PLCD1: variants seen among roughly 807,000 people sequenced by gnomAD.
The protein encoded by PLCD1 is 1-phosphatidylinositol 4,5-bisphosphate phosphodiesterase delta-1.
In PLCD1, 71 loss-of-function variants were observed where a neutral mutation model predicts 87.4. The ratio of observed to expected loss-of-function variants is 0.81; its 90% CI spans 0.67 to 0.99. PLCD1 has a LOEUF of 0.99. Ranked by LOEUF, PLCD1 falls within the 50% of genes least tolerant of loss-of-function variation. PLCD1 has a pLI of 0.00. For synonymous variants in PLCD1, 348 were observed against 399.2 expected (o/e 0.87, Z 1.53); for missense variants, 867 against 1,001.5 (o/e 0.87, Z 1.81).
At chr3:38,015,197 C>T (rs957934577) in intron 3 of PLCD1, among the ~76,000 whole-genome samples, 3 of 152,192 alleles carry the variant, frequency 2.0e-5, no homozygotes, top group African/African-American at 7.2e-5. Flanking sequence ...TCTAAATGTC[C>T]ATCATCTGGT....
chr3:38,011,761 C>T, intron 3 of PLCD1, 88 bp from the exon 4 acceptor site: 1 of 1,309,818 alleles, frequency 7.6e-7, no homozygotes, highest in Non-Finnish European at 1.1e-6. Flanking sequence ...CTGAAGCCAC[C>T]TATAGCCACA....
chr3:38,009,245 G>C, intron 10 of PLCD1, 27 bp downstream of exon 10: 1 of 1,613,964 alleles, frequency 6.2e-7, no homozygotes, highest in Non-Finnish European at 8.5e-7. Context: ...TAACAGAGCA[G>C]GGGAGTGGTG....
At chr3:38,011,748 C>T in intron 3 of PLCD1, 75 bp from the exon 4 acceptor site, 8 of 1,451,642 alleles carry the variant, frequency 5.5e-6, no homozygotes, top group African/African-American at 1.4e-5. Context: ...TGGATGGCTC[C>T]AGCTGAAGCC....
intron 1 of PLCD1, among the ~76,000 whole-genome samples, chr3:38,020,591 C>A (rs1288673106): frequency 6.6e-6 from 1 of 152,172 alleles, no homozygotes; most frequent in Non-Finnish European, 1.5e-5. Flanking sequence ...GACACCTGCC[C>A]ACCCAAGACC....
In PLCD1 at chr3:38,010,119, G is replaced by A. The variant is rs1349394772; in HGVS notation, c.1137+12C>T. 14 of 1,614,132 alleles carry A rather than the reference G, an allele frequency of 8.7e-6. No individual in the cohort carries two copies. The highest frequency in any genetic ancestry group is 1.0e-5 in the Non-Finnish European group (12 of 1,180,046). On this transcript the variant is annotated intron_variant, in intron 7 of 14. Transcript: ENST00000334661. ...TAGCATCCCACTCCTCACCTGCCAG[G>A]GGCACTCCCACCTTGAAGGCATAGT...
At position 38,018,279 on chromosome 3, in the gene PLCD1, G is replaced by A. The variant is rs932680288; in HGVS notation, c.200-1560C>T. On this transcript the variant is annotated intron_variant, in intron 2 of 14. Coordinates refer to ENST00000334661, the MANE Select transcript of PLCD1 (RefSeq NM_006225.4). The surrounding 1 kb of genome is among the most constrained non-coding windows in gnomAD (Gnocchi z 5.7). ...GCAGCCAACAAAGCAGGCTCAGCAC[G>A]AGACCCGTCTCAGGCGTCTGACCAG... Among the ~76,000 whole-genome samples, 1 of 152,120 alleles carries A rather than the reference G, an allele frequency of 6.6e-6. No individual in the cohort carries two copies. The highest frequency in any genetic ancestry group is 1.5e-5 in the Non-Finnish European group (1 of 68,018).
At chr3:38,021,999 A>G (rs983231867) in intron 1 of PLCD1, among the ~76,000 whole-genome samples, 23 of 152,132 alleles carry the variant, frequency 1.5e-4, no homozygotes, top group African/African-American at 5.3e-4. Context: ...CCTGCTTCCA[A>G]TCAGGATAGA....
chr3:38,020,863 G>T (rs139081219), intron 1 of PLCD1, among the ~76,000 whole-genome samples: 1 of 152,132 alleles, frequency 6.6e-6, no homozygotes. Context: ...GCCAAACAAC[G>T]TCCCAACTCC....
chr3:38,022,261 T>G (rs1321849325), intron 1 of PLCD1, among the ~76,000 whole-genome samples: 1 of 152,224 alleles, frequency 6.6e-6, no homozygotes, highest in African/African-American at 2.4e-5. Context: ...AGAAGGGGGC[T>G]CTGATAGAAT....
rs112172914 is a variant in PLCD1 at position 38,020,285 on chromosome 3, G to A, written c.102C>T (p.Ser34=). 1.5e-4 allele frequency: 250 copies of A among 1,613,996 alleles called. No individual in the cohort carries two copies. The African/African-American group carries it at 2.8e-3, about 18-fold the overall frequency. Residue 34 remains serine (S), a synonymous_variant, in exon 2 of 15, where the codon AGC becomes AGT. Coordinates refer to ENST00000334661, the MANE Select transcript of PLCD1 (RefSeq NM_006225.4). ...TGTAGAAGCGCTCTCTCCTCCATGA[G>A]CTGGACTTCACCTTCAGGAGCTGGC... is the stretch of plus-strand genomic sequence containing the variant. ...KGSQLLKVKS[S]SWRRERFYKL...
In PLCD1 at chr3:38,025,637, C is replaced by T. The variant is rs1185179860; in HGVS notation, c.34+3869G>A. On this transcript the variant is annotated intron_variant, in intron 1 of 14. Coordinates refer to ENST00000334661, the MANE Select transcript of PLCD1 (RefSeq NM_006225.4). This position sits in a 1 kb window ranked among gnomAD's most constrained non-coding sequence, Gnocchi z 4.0. The stretch of plus-strand genomic sequence containing the variant: ...AAAAAATTCTGATCTTAAAATAAGC[C>T]CATTAACCCAGGGTGGCTTTCATAA... 1.3e-5 allele frequency among the ~76,000 whole-genome samples: 2 copies of T among 152,172 alleles called. No individual in the cohort carries two copies. Among genetic ancestry groups the T allele is most frequent in the Non-Finnish European group, 2.9e-5 (2 of 68,032 alleles).
chr3:38,008,980 G>C, intron 11 of PLCD1, 62 bp downstream of exon 11: 1 of 1,376,514 alleles, frequency 7.3e-7, no homozygotes, highest in Non-Finnish European at 1.0e-6. Flanking sequence ...CGAGGCTCCA[G>C]GCCCCCGGCC....
intron 1 of PLCD1, 136 bp downstream of exon 1, chr3:38,029,370 A>G: frequency 4.3e-6 from 3 of 692,572 alleles, no homozygotes; most frequent in Non-Finnish European, 4.9e-6. Flanking sequence ...CCCAGTCCGG[A>G]GAAGGGGCAG....
In PLCD1 at chr3:38,011,416, C is replaced by T. The variant is rs1198772007; in HGVS notation, c.588G>A (p.Leu196=). The change falls in exon 5 of 15, where the codon CTG becomes CTA. Residue 196 remains leucine, a synonymous_variant. Coordinates refer to ENST00000334661, the MANE Select transcript of PLCD1 (RefSeq NM_006225.4). ...RECDHSQTDS[L]EDEEIEAFYK... Reference sequence around the variant, plus strand: ...AGAAGGCCTCAATCTCCTCGTCCTCCAGGGAGTCTGTCTGGGAGTGGTCAC... The same window carrying T: ...AGAAGGCCTCAATCTCCTCGTCCTCTAGGGAGTCTGTCTGGGAGTGGTCAC... 5.0e-6 allele frequency: 8 copies of T among 1,613,982 alleles called. No individual in the cohort carries two copies. Among genetic ancestry groups the T allele is most frequent in the African/African-American group, 1.3e-5 (1 of 74,946 alleles).
At chr3:38,023,825 C>G (rs1291320287) in intron 1 of PLCD1, among the ~76,000 whole-genome samples, 2 of 151,450 alleles carry the variant, frequency 1.3e-5, no homozygotes, top group Non-Finnish European at 2.9e-5. Context: ...ATGTCACACA[C>G]TTTGTTTCAC....
chr3:38,016,423 T>G (rs1700154900), intron 3 of PLCD1, 68 bp downstream of exon 3: 8 of 1,051,214 alleles, frequency 7.6e-6, no homozygotes, highest in Non-Finnish European at 8.8e-6. Flanking sequence ...CATACCCAAG[T>G]TGCCCTGGGG....
chr3:38,012,810 C>A (rs910095235), intron 3 of PLCD1, among the ~76,000 whole-genome samples: 5 of 152,292 alleles, frequency 3.3e-5, no homozygotes, highest in Non-Finnish European at 7.3e-5. Flanking sequence ...AGCCACGGCA[C>A]CCGGCCTATA....
rs2125551970 is a variant in PLCD1, at chr3:38,025,091, G to C, written c.34+4415C>G. ...GCTCAGGCCGGGAGCCTCTGCTCCA[G>C]AGGCGACGTGGAGGCAGAGCCATAC... On this transcript the variant is annotated intron_variant, in intron 1 of 14. Transcript: ENST00000334661. The surrounding 1 kb of genome is among the most constrained non-coding windows in gnomAD (Gnocchi z 4.0). Among the ~76,000 whole-genome samples the C allele has an allele frequency of 6.6e-6, 1 of 152,000 alleles. No homozygotes were observed. The highest frequency in any genetic ancestry group is 2.1e-4 in the South Asian group (1 of 4,812).
chr3:38,011,425 T>C lies in PLCD1; in HGVS notation c.579A>G (p.Thr193=). 1 of 1,614,066 alleles carries C rather than the reference T, an allele frequency of 6.2e-7. No homozygotes were observed. The highest frequency in any genetic ancestry group is 8.5e-7 in the Non-Finnish European group (1 of 1,179,930). ...KIFRECDHSQ[T]DSLEDEEIEA... ...CAATCTCCTCGTCCTCCAGGGAGTC[T>C]GTCTGGGAGTGGTCACACTCCTGCA... The change falls in exon 5 of 15, where the codon ACA becomes ACG. Residue 193 remains threonine (T), a synonymous_variant. Coordinates refer to ENST00000334661, the MANE Select transcript of PLCD1 (RefSeq NM_006225.4).
Sources: allele counts gnomAD v4.1 joint callset (sites outside exome capture counted in the v4.1 genomes callset), GRCh38; gene constraint gnomAD v4.1.1; non-coding constraint Gnocchi (gnomAD v3.1); transcripts MANE v1.5; gene names NCBI Gene and HGNC (gene_info 2026-07-23, HGNC 2026-07-21).